Variants in BORCS5 observed in about 807,000 individuals in gnomAD.
BORCS5 encodes the protein BLOC-1-related complex subunit 5.
Under a neutral mutation model 22.1 loss-of-function variants are expected in BORCS5, and 17 were observed. The observed-to-expected ratio is 0.77, with a 90% CI of 0.53 to 1.15. The LOEUF is 1.15. Ranked by LOEUF, BORCS5 falls within the 50% of genes most tolerant of loss-of-function variation. The pLI is 0.00. For missense variants in BORCS5, 247 were observed against 253.2 expected, an observed-to-expected ratio of 0.98 and a Z score of 0.17; for synonymous variants, 117 against 99.8, an observed-to-expected ratio of 1.17 and a Z score of -1.03.
At chr12:12,441,354 C>G (rs1942679434) in intron 3 of BORCS5, among the ~76,000 whole-genome samples, 1 of 152,210 alleles carries the variant, frequency 6.6e-6, no homozygotes, top group African/African-American at 2.4e-5. Flanking sequence ...AAGGTTCAAT[C>G]CTGGCTCCAT....
intron 2 of BORCS5, among the ~76,000 whole-genome samples, chr12:12,408,196 C>G (rs539201508): frequency 2.0e-5 from 3 of 152,164 alleles, no homozygotes; most frequent in Non-Finnish European, 4.4e-5. Flanking sequence ...TTTATCCTTT[C>G]ATCCATTGAT....
intron 3 of BORCS5, among the ~76,000 whole-genome samples, chr12:12,447,216 G>T (rs904725022): frequency 6.6e-6 from 1 of 152,154 alleles, no homozygotes; most frequent in Admixed American, 6.6e-5. Context: ...AGCCTGAAAT[G>T]TCCAGCCTCC....
rs2136172028 is a variant in BORCS5, at chr12:12,469,547, A to G, written c.*3771A>G. The G allele has an allele frequency of 6.6e-6, 1 of 152,376 alleles. No individual in the cohort carries two copies. The highest frequency in any genetic ancestry group is 2.1e-4 in the South Asian group (1 of 4,822). The allele number at this position is 152,376 out of a possible 1,614,324, so 9.4% of individuals were successfully genotyped here. A position where few individuals can be genotyped will look rare whatever the true frequency, so the allele number is the denominator to read the frequency against. ...CGGTTTTACAAGGTTACATAAACTA[A>G]TGGCCCTGGGGCGAATGACGTATGC... On this transcript the variant is annotated 3_prime_UTR_variant, in exon 4 of 4. Coordinates refer to ENST00000314565, the MANE Select transcript of BORCS5 (RefSeq NM_058169.6).
intron 2 of BORCS5, among the ~76,000 whole-genome samples, chr12:12,412,800 CTTGT>C (rs973426214): frequency 1.2e-4 from 18 of 151,066 alleles, no homozygotes; most frequent in African/African-American, 3.9e-4. Context: ...CCTTCCATTC[CTTGT>C]TTGTTGAGTG....
chr12:12,421,651 G>A (rs1414985593), intron 2 of BORCS5, among the ~76,000 whole-genome samples: 1 of 152,146 alleles, frequency 6.6e-6, no homozygotes, highest in East Asian at 1.9e-4. Context: ...TGTACCTCTG[G>A]TAGAATTTGG....
At chr12:12,444,873 T>G (rs1048837577) in intron 3 of BORCS5, among the ~76,000 whole-genome samples, 1 of 152,254 alleles carries the variant, frequency 6.6e-6, no homozygotes, top group Non-Finnish European at 1.5e-5. Context: ...CCCAGCCACA[T>G]TGGAAGAATT....
At chr12:12,458,971 C>T (rs1565937384) in intron 3 of BORCS5, among the ~76,000 whole-genome samples, 1 of 151,530 alleles carries the variant, frequency 6.6e-6, no homozygotes, top group Non-Finnish European at 1.5e-5. Context: ...GACTCCGTCT[C>T]AAAAAAGAAT....
At chr12:12,448,615 G>A (rs1161975191) in intron 3 of BORCS5, among the ~76,000 whole-genome samples, 1 of 147,506 alleles carries the variant, frequency 6.8e-6, no homozygotes, top group Non-Finnish European at 1.5e-5. Context: ...TGCAGCCTTT[G>A]CCTTCTGGTT....
chr12:12,359,807 A>G (rs1199556214), intron 1 of BORCS5, among the ~76,000 whole-genome samples: 1 of 152,104 alleles, frequency 6.6e-6, no homozygotes, highest in Non-Finnish European at 1.5e-5. Flanking sequence ...ACAGCTTTGC[A>G]ACTCCAGTGT....
chr12:12,430,817 A>G (rs1338418310), intron 2 of BORCS5, among the ~76,000 whole-genome samples: 2 of 152,166 alleles, frequency 1.3e-5, no homozygotes, highest in African/African-American at 2.4e-5. Flanking sequence ...CCCCATTTTT[A>G]TGCAATGATA....
intron 2 of BORCS5, among the ~76,000 whole-genome samples, chr12:12,424,892 G>A (rs1355340346): frequency 6.6e-6 from 1 of 152,028 alleles, no homozygotes; most frequent in Non-Finnish European, 1.5e-5. Flanking sequence ...GTCCCAGAGA[G>A]GGAAAAAGAA....
intron 3 of BORCS5, among the ~76,000 whole-genome samples, chr12:12,445,940 G>T (rs191571293): frequency 1.3e-5 from 2 of 151,822 alleles, no homozygotes; most frequent in East Asian, 3.9e-4. Flanking sequence ...ACCATACCTA[G>T]CTTCTGTTTT....
At chr12:12,422,596 A>G (rs1240970235) in intron 2 of BORCS5, among the ~76,000 whole-genome samples, 3 of 152,044 alleles carry the variant, frequency 2.0e-5, no homozygotes, top group Non-Finnish European at 2.9e-5. Flanking sequence ...GTGAGTCTTC[A>G]TCTCAAAAGA....
At chr12:12,396,523 C>T (rs1008736997) in intron 2 of BORCS5, among the ~76,000 whole-genome samples, 1 of 152,150 alleles carries the variant, frequency 6.6e-6, no homozygotes, top group African/African-American at 2.4e-5. Flanking sequence ...ACTTGTTTTG[C>T]CCTAGGTCCG....
chr12:12,368,337 C>G (rs1302609897), intron 2 of BORCS5, among the ~76,000 whole-genome samples: 1 of 151,562 alleles, frequency 6.6e-6, no homozygotes, highest in East Asian at 1.9e-4. Context: ...CAGCATTTTG[C>G]CTAGTGCTCT....
intron 2 of BORCS5, among the ~76,000 whole-genome samples, chr12:12,427,968 A>G (rs10743985): frequency 0.62 from 94,895 of 152,096 alleles, 30,791 homozygotes; most frequent in African/African-American, 0.79. Flanking sequence ...AAATTTGGGG[A>G]AACACAAACA....
intron 3 of BORCS5, among the ~76,000 whole-genome samples, chr12:12,440,957 G>A (rs1213531297): frequency 6.6e-6 from 1 of 152,170 alleles, no homozygotes; most frequent in Non-Finnish European, 1.5e-5. Flanking sequence ...TTATGCAGGT[G>A]GTGCACTTGA....
chr12:12,408,833 C>T (rs1297142684), intron 2 of BORCS5, among the ~76,000 whole-genome samples: 1 of 152,090 alleles, frequency 6.6e-6, no homozygotes, highest in Non-Finnish European at 1.5e-5. Flanking sequence ...CTTATCCATT[C>T]TTCTATTGAT....
At chr12:12,358,976 G>A (rs1056625953) in intron 1 of BORCS5, among the ~76,000 whole-genome samples, 12 of 152,180 alleles carry the variant, frequency 7.9e-5, no homozygotes, top group African/African-American at 2.7e-4. Context: ...GGCATCCCTG[G>A]ATTAACCTTT....
Sources: gnomAD v4.1 joint callset for allele counts (sites outside exome capture counted in the v4.1 genomes callset) on GRCh38, gnomAD v4.1.1 for gene constraint, MANE v1.5 for transcripts, NCBI Gene and HGNC (gene_info 2026-07-23, HGNC 2026-07-21) for gene names.